The following CTNNA3 variants were observed in gnomAD, a reference collection of about 807,000 sequenced individuals.
CTNNA3 encodes the protein catenin alpha 3, also known as catenin alpha-3.
CTNNA3 carries 76 observed loss-of-function variants against 95.7 expected under a neutral mutation model. That is an observed-to-expected ratio of 0.79 (90% CI 0.66 to 0.96). The LOEUF (loss-of-function observed/expected upper bound fraction) is 0.96, where lower values mean the gene tolerates loss of function less well. Ranked by LOEUF, CTNNA3 falls within the 40% of genes least tolerant of loss-of-function variation. The pLI, the probability that CTNNA3 is intolerant of heterozygous loss-of-function variation, is 0.00. For missense variants in CTNNA3, 1,191 were observed against 1,089.8 expected (o/e 1.09, Z -1.31); for synonymous variants, 431 against 374.4 (o/e 1.15, Z -1.74).
chr10:66,630,226 A>C (rs1845084441), intron 9 of CTNNA3, among the ~76,000 whole-genome samples: 1 of 152,128 alleles, frequency 6.6e-6, no homozygotes, highest in Non-Finnish European at 1.5e-5. Flanking sequence ...ATGAGATGAC[A>C]AATAGAAGAA....
chr10:67,394,683 A>T (rs948361195), intron 5 of CTNNA3, among the ~76,000 whole-genome samples: 1 of 152,148 alleles, frequency 6.6e-6, no homozygotes, highest in Non-Finnish European at 1.5e-5. Context: ...AAACAAAAAT[A>T]CAGGGAGGGA....
At position 67,180,378 on chromosome 10, in the gene CTNNA3, A is replaced by G. The variant is rs181929603; in HGVS notation, c.986T>C (p.Ile329Thr). The G allele has an allele frequency of 2.1e-5, 34 of 1,613,784 alleles. No homozygotes were observed. The highest frequency in any genetic ancestry group is 2.8e-5 in the Non-Finnish European group (33 of 1,179,914). Residue 329 changes from isoleucine (I) to threonine (T), a missense_variant, in exon 7 of 18, where the codon ATC becomes ACC. By Grantham distance (89) the Ile-to-Thr change is moderately conservative. Coordinates refer to ENST00000433211, the MANE Select transcript of CTNNA3 (RefSeq NM_013266.4). ...CTRDLHRERI[I>T]AECNAIRQAL... is the part of the protein sequence containing the mutation. ...CTGGCGAATGGCGTTGCATTCTGCGATAATCCGCTCTCGGTGTAAGTCCCT... is the reference window on the plus strand; with the variant it reads ...CTGGCGAATGGCGTTGCATTCTGCGGTAATCCGCTCTCGGTGTAAGTCCCT...
intron 14 of CTNNA3, among the ~76,000 whole-genome samples, chr10:66,087,378 C>A (rs1253242785): frequency 2.6e-5 from 4 of 152,096 alleles, no homozygotes; most frequent in Non-Finnish European, 2.9e-5. Context: ...TATCGCGAGA[C>A]AACAAACTTT....
chr10:66,914,233 C>A (rs565739638), intron 7 of CTNNA3, among the ~76,000 whole-genome samples: 4 of 151,434 alleles, frequency 2.6e-5, no homozygotes, highest in Non-Finnish European at 4.4e-5. Context: ...CAGGTTGACG[C>A]CATTCTCCTG....
chr10:66,313,782 T>A lies in CTNNA3; in HGVS notation c.1733-33161A>T, dbSNP rs76160813. On this transcript the variant is annotated intron_variant, in intron 12 of 17. Coordinates refer to ENST00000433211, the MANE Select transcript of CTNNA3 (RefSeq NM_013266.4). Reference sequence around the variant, plus strand: ...GTGAATGAATATATGCAGTAAAGCGTAAGAGCCTGATTCAGAGCCTGGTAC... The same window carrying A: ...GTGAATGAATATATGCAGTAAAGCGAAAGAGCCTGATTCAGAGCCTGGTAC... Among the ~76,000 whole-genome samples, 532 of 151,698 alleles carry A rather than the reference T, an allele frequency of 3.5e-3. 3 individuals carry two copies. The highest frequency in any genetic ancestry group is 5.5e-3 in the Admixed American group (84 of 15,272).
At chr10:66,060,870 C>T (rs955527364) in intron 15 of CTNNA3, among the ~76,000 whole-genome samples, 1 of 152,078 alleles carries the variant, frequency 6.6e-6, no homozygotes, top group Non-Finnish European at 1.5e-5. Context: ...TGCTAAGTGT[C>T]AAGGTCCCAG....
intron 5 of CTNNA3, among the ~76,000 whole-genome samples, chr10:67,429,722 A>C (rs1846044516): frequency 6.6e-6 from 1 of 152,116 alleles, no homozygotes; most frequent in African/African-American, 2.4e-5. Context: ...CTTTTTGATA[A>C]AGCAAATTGT....
intron 12 of CTNNA3, among the ~76,000 whole-genome samples, chr10:66,336,583 C>G (rs2092399105): frequency 6.6e-6 from 1 of 152,140 alleles, no homozygotes. Flanking sequence ...CCACAATAGT[C>G]TTTCTTCACA....
chr10:66,920,387 A>G (rs1846727554), intron 7 of CTNNA3, among the ~76,000 whole-genome samples: 2 of 152,174 alleles, frequency 1.3e-5, no homozygotes, highest in Admixed American at 1.3e-4. Context: ...TAAACAGTAC[A>G]TGTGTTGAGT....
chr10:67,453,940 C>A (rs1169706324), intron 5 of CTNNA3, among the ~76,000 whole-genome samples: 1 of 152,138 alleles, frequency 6.6e-6, no homozygotes, highest in Admixed American at 6.5e-5. Flanking sequence ...TACTTAAAAA[C>A]AACAGACACT....
intron 5 of CTNNA3, among the ~76,000 whole-genome samples, chr10:67,256,919 T>TA (rs1349299420): frequency 6.6e-6 from 1 of 152,068 alleles, no homozygotes; most frequent in Non-Finnish European, 1.5e-5. Context: ...TTTAGTTAAA[T>TA]AAAAAAAATT....
At chr10:67,114,223 G>A (rs982451778) in intron 7 of CTNNA3, among the ~76,000 whole-genome samples, 1 of 151,956 alleles carries the variant, frequency 6.6e-6, no homozygotes, top group Non-Finnish European at 1.5e-5. Flanking sequence ...TTGTACCAAT[G>A]TACTAATTAT....
intron 5 of CTNNA3, among the ~76,000 whole-genome samples, chr10:67,472,833 C>T (rs1370484360): frequency 6.6e-6 from 1 of 152,210 alleles, no homozygotes; most frequent in African/African-American, 2.4e-5. Flanking sequence ...CAAGGACCAA[C>T]TTGGCCTTCT....
At chr10:66,189,575 C>T (rs868852102) in intron 13 of CTNNA3, among the ~76,000 whole-genome samples, 2 of 130,426 alleles carry the variant, frequency 1.5e-5, no homozygotes, top group Middle Eastern at 3.8e-3. Context: ...CAAGCCAGTA[C>T]CATACTGTTT....
chr10:67,695,321 TTTTA>T (rs1460865980), intron 1 of CTNNA3, among the ~76,000 whole-genome samples: 5 of 152,336 alleles, frequency 3.3e-5, no homozygotes, highest in African/African-American at 2.4e-5. Flanking sequence ...AACTCATTTC[TTTTA>T]TTTGTCTTCC....
intron 15 of CTNNA3, among the ~76,000 whole-genome samples, chr10:65,992,964 T>C (rs1423023222): frequency 6.6e-6 from 1 of 152,132 alleles, no homozygotes; most frequent in African/African-American, 2.4e-5. Context: ...TTTCAGAAAC[T>C]TGTTTGATTT....
intron 10 of CTNNA3, among the ~76,000 whole-genome samples, chr10:66,556,586 C>T (rs1172052902): frequency 2.0e-5 from 3 of 151,878 alleles, no homozygotes; most frequent in African/African-American, 7.3e-5. Context: ...CATGAATGAA[C>T]TTGGAGGACA....
chr10:67,188,667 A>G (rs1393272959), intron 6 of CTNNA3, among the ~76,000 whole-genome samples: 1 of 152,224 alleles, frequency 6.6e-6, no homozygotes, highest in African/African-American at 2.4e-5. Flanking sequence ...AAATGAAATC[A>G]GTATATCAAA....
chr10:66,509,818 A>G (rs977944940), intron 11 of CTNNA3, among the ~76,000 whole-genome samples: 6 of 151,796 alleles, frequency 4.0e-5, no homozygotes, highest in Non-Finnish European at 8.8e-5. Flanking sequence ...ATTTTAACTA[A>G]CTATATTATA....
Sources: allele counts gnomAD v4.1 joint callset (sites outside exome capture counted in the v4.1 genomes callset), GRCh38; gene constraint gnomAD v4.1.1; transcripts MANE v1.5; gene names NCBI Gene and HGNC (gene_info 2026-07-23, HGNC 2026-07-21).